DOCK10: variants seen among roughly 807,000 people sequenced by gnomAD.
DOCK10 encodes dedicator of cytokinesis 10, also known as dedicator of cytokinesis protein 10.
Under a neutral mutation model 280.1 loss-of-function variants are expected in DOCK10, and 145 were observed. That is an observed-to-expected ratio of 0.52 (90% CI 0.45 to 0.59). The LOEUF (loss-of-function observed/expected upper bound fraction) is 0.59, where lower values mean the gene tolerates loss of function less well. Among genes scored for constraint, DOCK10 ranks in the 20% least tolerant of loss-of-function variants. The probability of loss-of-function intolerance (pLI) is 0.00; values close to 1 mark genes in which losing one functional copy is unlikely to be tolerated. For missense variants in DOCK10, 2,368 were observed against 2,651.7 expected (o/e 0.89, Z 2.35); for synonymous variants, 915 against 942.2 (o/e 0.97, Z 0.53).
chr2:224,795,201 T>C, intron 44 of DOCK10, 107 bp from the exon 45 acceptor site: 1 of 925,436 alleles, frequency 1.1e-6, no homozygotes. Context: ...TGGAGCATTC[T>C]ATATATAGTT....
intron 48 of DOCK10, 26 bp downstream of exon 48, chr2:224,789,038 T>C (rs200627112): frequency 3.2e-5 from 46 of 1,450,506 alleles, no homozygotes; most frequent in African/African-American, 4.2e-5. Flanking sequence ...CCTTCGTTAC[T>C]GTACATGAGA....
At chr2:224,874,893 C>T (rs1698525805) in intron 8 of DOCK10, 142 bp from the exon 9 acceptor site, 14 of 685,234 alleles carry the variant, frequency 2.0e-5, no homozygotes, top group Non-Finnish European at 3.4e-5. Context: ...GTTCTGACTC[C>T]TGAACTCCAC....
Position 224,876,179 on chromosome 2 carries a change from C to G in DOCK10, c.790G>C (p.Asp264His). The G allele has an allele frequency of 6.2e-7, 1 of 1,613,332 alleles. No homozygotes were observed. Among genetic ancestry groups the G allele is most frequent in the Non-Finnish European group, 8.5e-7 (1 of 1,179,622 alleles). Reference protein sequence around the residue: ...RKYAFELKMNDLTYFVLAAET... With the variant: ...RKYAFELKMNHLTYFVLAAET... ...GCTGCCAGCACAAAATAGGTCAGATCATTCATTTTCAATTCAAAGGCATAT... is the reference window on the plus strand; with the variant it reads ...GCTGCCAGCACAAAATAGGTCAGATGATTCATTTTCAATTCAAAGGCATAT... The change falls in exon 8 of 56, where the codon GAT becomes CAT. Residue 264 changes from aspartate (D) to histidine (H), a missense_variant. Physicochemically the swap from Asp to His is moderately conservative, Grantham distance 81 (BLOSUM62 -1). This residue lies in a region of DOCK10 where 1,209 missense variants were observed against 1,250.9 expected (regional missense o/e 0.97). Coordinates refer to ENST00000258390, the MANE Select transcript of DOCK10 (RefSeq NM_014689.3).
At chr2:224,899,584 A>G (rs1417130243) in intron 3 of DOCK10, among the ~76,000 whole-genome samples, 1 of 152,210 alleles carries the variant, frequency 6.6e-6, no homozygotes, top group Non-Finnish European at 1.5e-5. Flanking sequence ...GAATTAATTT[A>G]TATAGGCTGG....
chr2:224,988,195 G>A (rs1180309066), intron 1 of DOCK10, among the ~76,000 whole-genome samples: 1 of 152,132 alleles, frequency 6.6e-6, no homozygotes, highest in Non-Finnish European at 1.5e-5. Context: ...TTGCTTCACA[G>A]CCCTGAACCT....
intron 44 of DOCK10, among the ~76,000 whole-genome samples, chr2:224,796,046 A>AATT (rs373877633): frequency 0.01 from 1,504 of 150,318 alleles, 24 homozygotes; most frequent in African/African-American, 0.03. Context: ...CAAAATAAAC[A>AATT]ATTATTATTA....
chr2:224,800,827 G>A (rs1016024722), intron 40 of DOCK10, among the ~76,000 whole-genome samples: 2 of 152,150 alleles, frequency 1.3e-5, no homozygotes, highest in African/African-American at 4.8e-5. Context: ...TGTGCCCAAG[G>A]TGTTTGGGCT....
intron 41 of DOCK10, among the ~76,000 whole-genome samples, chr2:224,798,786 C>T (rs969205642): frequency 6.6e-6 from 1 of 152,062 alleles, no homozygotes; most frequent in Non-Finnish European, 1.5e-5. Flanking sequence ...CATGTGCCAC[C>T]ATAGTTGACT....
intron 3 of DOCK10, among the ~76,000 whole-genome samples, chr2:224,902,245 A>G (rs1700341703): frequency 6.6e-6 from 1 of 152,214 alleles, no homozygotes; most frequent in South Asian, 2.1e-4. Context: ...TTCTGGCTAC[A>G]TAGTAATAAG....
rs192146339 is a variant in DOCK10, at chr2:224,967,820, A to T, written c.124-36152T>A. ...TGTGGGACTATAGGGAAGAAGTTTT[A>T]AAAAAATGACCTCAAATGTTTTCAA... On this transcript the variant is annotated intron_variant, in intron 1 of 55. Coordinates refer to ENST00000258390, the MANE Select transcript of DOCK10 (RefSeq NM_014689.3). Among the ~76,000 whole-genome samples, 562 of 151,742 alleles carry T rather than the reference A, an allele frequency of 3.7e-3. 6 individuals are homozygous for T. Among genetic ancestry groups the T allele is most frequent in the African/African-American group, 0.013 (532 of 41,418 alleles).
In DOCK10 at chr2:224,856,227, G is replaced by A. The variant is rs149905021; in HGVS notation, c.1808+633C>T. ...GTCAGCGTTGCATTGTGTATTCTAG[G>A]GTGCCCCCTTAAATTAGACAGTAAT... On this transcript the variant is annotated intron_variant, in intron 15 of 55. Coordinates refer to ENST00000258390, the MANE Select transcript of DOCK10 (RefSeq NM_014689.3). 2.8e-4 allele frequency among the ~76,000 whole-genome samples: 43 copies of A among 152,272 alleles called. No individual in the cohort carries two copies. In the East Asian group the frequency reaches 8.3e-3, roughly 29 times the overall value.
At chr2:224,974,819 A>AATATATTATATATAT (rs1705320973) in intron 1 of DOCK10, among the ~76,000 whole-genome samples, 1 of 132,348 alleles carries the variant, frequency 7.6e-6, no homozygotes, top group Non-Finnish European at 1.6e-5. Context: ...TTATATATAT[A>AATATATTATATATAT]ATATATATAT....
intron 7 of DOCK10, among the ~76,000 whole-genome samples, chr2:224,885,063 G>C (rs965514141): frequency 6.6e-6 from 1 of 152,108 alleles, no homozygotes; most frequent in Non-Finnish European, 1.5e-5. Flanking sequence ...GCAGTGGCAC[G>C]ATCTCGGCTC....
At position 224,796,310 on chromosome 2, in the gene DOCK10, TCTTA is replaced by T; in HGVS notation, c.4938+2_4938+5del. ...CTGCAGTAAAAGCCCACAAAGCATT[TCTTA>T]CTTTCATTTGCTTATCTCCATTGGC... On this transcript the variant is annotated splice_donor_variant and splice_donor_5th_base_variant and intron_variant, in intron 44 of 55. Transcript: ENST00000258390. LOFTEE classifies it high-confidence loss of function. The T allele has an allele frequency of 6.5e-7, 1 of 1,530,456 alleles. No homozygotes were observed. The highest frequency in any genetic ancestry group is 8.9e-7 in the Non-Finnish European group (1 of 1,126,850). 94.8% of individuals were successfully genotyped at this position (1,530,456 alleles called of 1,614,324 possible).
At chr2:224,979,001 A>G (rs1705605972) in intron 1 of DOCK10, among the ~76,000 whole-genome samples, 1 of 152,130 alleles carries the variant, frequency 6.6e-6, no homozygotes, top group Non-Finnish European at 1.5e-5. Context: ...TATTGGTTCT[A>G]CTTTTGAAAT....
Position 224,937,392 on chromosome 2 carries a change from T to C in DOCK10, c.124-5724A>G, listed in dbSNP as rs141101837. On this transcript the variant is annotated intron_variant, in intron 1 of 55. Transcript: ENST00000258390. Reference sequence around the variant, plus strand: ...TAGATTTGTTTTTATTTGAAGATGATTGAAAATTACCCTACATGTTTTACC... The same window carrying C: ...TAGATTTGTTTTTATTTGAAGATGACTGAAAATTACCCTACATGTTTTACC... Among the ~76,000 whole-genome samples, 139 of 152,286 alleles carry C rather than the reference T, an allele frequency of 9.1e-4. 3 individuals carry two copies. In the East Asian group the frequency reaches 0.014, roughly 15 times the overall value.
Position 224,774,963 on chromosome 2 carries a change from C to A in DOCK10, c.5955G>T (p.Leu1985=). ...NRFVFETPFT[L]SGKKHGGVAE... is the part of the protein sequence containing the mutation. ...CCACCCCACCGTGCTTCTTGCCCGA[C>A]AGCGTGAAGGGTGTCTCGAAGACAA... The change falls in exon 52 of 56, where the codon CTG becomes CTT. Residue 1985 remains leucine (L), a synonymous_variant. Transcript: ENST00000258390. 1 of 1,611,640 alleles carries A rather than the reference C, an allele frequency of 6.2e-7. No individual in the cohort carries two copies. The highest frequency in any genetic ancestry group is 8.5e-7 in the Non-Finnish European group (1 of 1,178,846).
At chr2:224,915,522 A>G (rs1381055168) in intron 3 of DOCK10, among the ~76,000 whole-genome samples, 1 of 152,248 alleles carries the variant, frequency 6.6e-6, no homozygotes, top group Non-Finnish European at 1.5e-5. Flanking sequence ...GAACAGTACA[A>G]CAGAAAATAT....
chr2:225,015,694 A>G (rs1052033768), intron 1 of DOCK10, among the ~76,000 whole-genome samples: 4 of 152,138 alleles, frequency 2.6e-5, no homozygotes, highest in African/African-American at 7.2e-5. Flanking sequence ...GTGGAGCTCC[A>G]TTGCAATCAA....
Sources: allele counts gnomAD v4.1 joint callset (sites outside exome capture counted in the v4.1 genomes callset), GRCh38; gene constraint gnomAD v4.1.1; regional missense constraint gnomAD v4.1.1; transcripts MANE v1.5; gene names NCBI Gene and HGNC (gene_info 2026-07-23, HGNC 2026-07-21).